ZMIZ1: variants seen among roughly 807,000 people sequenced by gnomAD.
ZMIZ1 encodes the protein zinc finger MIZ-type containing 1, also known as zinc finger MIZ domain-containing protein 1.
In ZMIZ1, 17 loss-of-function variants were observed where a neutral mutation model predicts 113.9. The observed-to-expected ratio is 0.15, with a 90% CI of 0.10 to 0.22. The LOEUF is 0.22. ZMIZ1 is among the 10% of genes least tolerant of loss of function. ZMIZ1 has a pLI of 1.00. For synonymous variants in ZMIZ1, 607 were observed against 603.1 expected (o/e 1.01, Z -0.09); for missense variants, 1,059 against 1,477.8 (o/e 0.72, Z 4.65).
chr10:79,189,227 G>A (rs962061079), intron 4 of ZMIZ1, among the ~76,000 whole-genome samples: 1 of 152,192 alleles, frequency 6.6e-6, no homozygotes, highest in Non-Finnish European at 1.5e-5. Flanking sequence ...AATGGCATGG[G>A]ACCCCTGCCT....
intron 1 of ZMIZ1, among the ~76,000 whole-genome samples, chr10:79,109,329 G>C (rs1843659925): frequency 6.6e-6 from 1 of 152,180 alleles, no homozygotes; most frequent in South Asian, 2.1e-4. Context: ...TTTTCATTAT[G>C]GGTGTTGTCC....
chr10:79,298,371 C>T, intron 14 of ZMIZ1, 35 bp from the exon 15 acceptor site: 1 of 1,597,126 alleles, frequency 6.3e-7, no homozygotes, highest in Non-Finnish European at 8.5e-7. Flanking sequence ...TCTCCGTAAT[C>T]CCATAACTCG....
chr10:79,097,866 C>T (rs961915088), intron 1 of ZMIZ1, among the ~76,000 whole-genome samples: 2 of 152,126 alleles, frequency 1.3e-5, no homozygotes, highest in African/African-American at 4.8e-5. Flanking sequence ...AAGAGGAGTT[C>T]CTGGAGAGGC....
At chr10:79,228,947 C>G (rs1203633104) in intron 7 of ZMIZ1, among the ~76,000 whole-genome samples, 3 of 152,250 alleles carry the variant, frequency 2.0e-5, no homozygotes, top group Non-Finnish European at 4.4e-5. Flanking sequence ...GTAGCATAAA[C>G]TGCCATCTCA....
chr10:79,114,491 G>T (rs1229435368), intron 1 of ZMIZ1, among the ~76,000 whole-genome samples: 2 of 72,018 alleles, frequency 2.8e-5, no homozygotes, highest in Non-Finnish European at 6.9e-5. Context: ...GTGTGTGTGT[G>T]TGCGTGTGTG....
chr10:79,095,479 C>T (rs1843138038), intron 1 of ZMIZ1, among the ~76,000 whole-genome samples: 1 of 152,230 alleles, frequency 6.6e-6, no homozygotes, highest in African/African-American at 2.4e-5. Flanking sequence ...ACCCCATTCT[C>T]CTGACCTAAC....
intron 2 of ZMIZ1, among the ~76,000 whole-genome samples, chr10:79,132,286 A>G (rs1401508328): frequency 6.6e-6 from 1 of 152,206 alleles, no homozygotes; most frequent in Non-Finnish European, 1.5e-5. Flanking sequence ...TGAGTGCAGC[A>G]GTGGCTCCCA....
chr10:79,221,117 C>T (rs1848949020), intron 7 of ZMIZ1, among the ~76,000 whole-genome samples: 2 of 152,194 alleles, frequency 1.3e-5, no homozygotes, highest in African/African-American at 4.8e-5. Flanking sequence ...CTGCATCCCC[C>T]TTCTGTCTCC....
intron 7 of ZMIZ1, among the ~76,000 whole-genome samples, chr10:79,254,860 G>A (rs531797528): frequency 6.6e-6 from 1 of 152,332 alleles, no homozygotes; most frequent in Admixed American, 6.5e-5. Context: ...CACCGCAGTC[G>A]TGATTTTCAG....
chr10:79,153,941 G>A (rs1311126133), intron 3 of ZMIZ1, among the ~76,000 whole-genome samples: 4 of 152,240 alleles, frequency 2.6e-5, no homozygotes, highest in Non-Finnish European at 5.9e-5. Context: ...AAGCGTGACC[G>A]CCAGGGGGCT....
rs957721114 is a variant in ZMIZ1 at position 79,251,938 on chromosome 10, T to C, written c.281-25243T>C. ...ATGGCAGCCTTGACCGTTGGGTCCT[T>C]AGTGGCTTCTAGGAGGCCACTCGGG... On this transcript the variant is annotated intron_variant, in intron 7 of 24. Transcript: ENST00000334512. Among the ~76,000 whole-genome samples the C allele has an allele frequency of 1.2e-4, 18 of 152,252 alleles. No homozygotes were observed. In the East Asian group the frequency reaches 3.5e-3, roughly 29 times the overall value.
intron 7 of ZMIZ1, among the ~76,000 whole-genome samples, chr10:79,227,091 C>G (rs536306458): frequency 6.6e-6 from 1 of 152,256 alleles, no homozygotes; most frequent in African/African-American, 2.4e-5. Context: ...CAAAAAGAGC[C>G]AAAATTGTGA....
chr10:79,123,788 G>A (rs1429955124), intron 2 of ZMIZ1, among the ~76,000 whole-genome samples: 1 of 152,212 alleles, frequency 6.6e-6, no homozygotes, highest in Non-Finnish European at 1.5e-5. Flanking sequence ...AGACTTCCAG[G>A]GTTACATAGG....
At chr10:79,231,214 G>A (rs1589452970) in intron 7 of ZMIZ1, among the ~76,000 whole-genome samples, 1 of 152,374 alleles carries the variant, frequency 6.6e-6, no homozygotes, top group Non-Finnish European at 1.5e-5. Flanking sequence ...AGAACTGCCA[G>A]CACTTGTGAT....
At chr10:79,191,810 T>C (rs932755625) in intron 4 of ZMIZ1, among the ~76,000 whole-genome samples, 1 of 152,218 alleles carries the variant, frequency 6.6e-6, no homozygotes, top group African/African-American at 2.4e-5. Flanking sequence ...ATTGCACCTC[T>C]CAGAGGCTCA....
intron 2 of ZMIZ1, 21 bp from the exon 3 acceptor site, chr10:79,139,661 A>G (rs867453415): frequency 3.3e-5 from 13 of 398,510 alleles, no homozygotes; most frequent in Non-Finnish European, 5.3e-5. Flanking sequence ...CACACGTCTC[A>G]TCTCTCCCCT....
At chr10:79,127,259 C>T (rs1216820639) in intron 2 of ZMIZ1, among the ~76,000 whole-genome samples, 1 of 152,170 alleles carries the variant, frequency 6.6e-6, no homozygotes, top group African/African-American at 2.4e-5. Flanking sequence ...TCCCCATAGC[C>T]CTGGGCTCGG....
intron 1 of ZMIZ1, among the ~76,000 whole-genome samples, chr10:79,092,853 G>C (rs1843027030): frequency 6.6e-6 from 1 of 152,038 alleles, no homozygotes; most frequent in Non-Finnish European, 1.5e-5. Context: ...CTGTAAGATG[G>C]GTGTATTTTG....
chr10:79,101,200 G>A (rs956512231), intron 1 of ZMIZ1, among the ~76,000 whole-genome samples: 3 of 152,142 alleles, frequency 2.0e-5, no homozygotes, highest in African/African-American at 7.2e-5. Context: ...CAAGATCTTG[G>A]CACTGGGGAT....
Sources: gnomAD v4.1 joint callset for allele counts (sites outside exome capture counted in the v4.1 genomes callset) on GRCh38, gnomAD v4.1.1 for gene constraint, MANE v1.5 for transcripts, NCBI Gene and HGNC (gene_info 2026-07-23, HGNC 2026-07-21) for gene names.